The following SLC17A5 variants were observed in gnomAD, a reference collection of about 807,000 sequenced individuals.
SLC17A5 encodes sialin.
In SLC17A5, 47 loss-of-function variants were observed where a neutral mutation model predicts 59.4. The ratio of observed to expected loss-of-function variants is 0.79; its 90% confidence interval spans 0.63 to 1.01. The LOEUF (loss-of-function observed/expected upper bound fraction) is 1.01, where lower values mean the gene tolerates loss of function less well. Ranked by LOEUF, SLC17A5 falls within the 50% of genes least tolerant of loss-of-function variation. SLC17A5 has a pLI of 0.00. For missense variants in SLC17A5, 522 were observed against 595.5 expected, an observed-to-expected ratio of 0.88 and a Z score of 1.28; for synonymous variants, 202 against 210.7, an observed-to-expected ratio of 0.96 and a Z score of 0.36.
At chr6:73,609,018 T>TA (rs1767522673) in intron 9 of SLC17A5, among the ~76,000 whole-genome samples, 1 of 152,064 alleles carries the variant, frequency 6.6e-6, no homozygotes, top group Admixed American at 6.6e-5. Flanking sequence ...CAGCTTATCT[T>TA]AGAGTATTTA....
At chr6:73,610,607 A>AAT in intron 8 of SLC17A5, 60 bp from the exon 9 acceptor site, 1 of 1,579,884 alleles carries the variant, frequency 6.3e-7, no homozygotes. Context: ...GCTCTACCTT[A>AAT]ATATGGTATA....
At chr6:73,600,786 C>T (rs1581953558) in intron 9 of SLC17A5, among the ~76,000 whole-genome samples, 1 of 152,200 alleles carries the variant, frequency 6.6e-6, no homozygotes, top group East Asian at 1.9e-4. Flanking sequence ...CAAGTATGAG[C>T]CACAGCGCCT....
intron 2 of SLC17A5, among the ~76,000 whole-genome samples, chr6:73,643,935 T>A (rs1227209408): frequency 6.6e-6 from 1 of 152,222 alleles, no homozygotes. Context: ...AAATGACTTA[T>A]GTGGCTTAGG....
chr6:73,615,319 A>T lies in SLC17A5; in HGVS notation c.1107T>A (p.Leu369=). Residue 369 remains leucine (L), a synonymous_variant, in exon 8 of 11, where the codon CTT becomes CTA. Coordinates refer to ENST00000355773, the MANE Select transcript of SLC17A5 (RefSeq NM_012434.5). ...AAACCTGATTGCTTCACTTACCTAT[A>T]AGGCTAAAAATTCTGCGAACACATA... ...STLCVRRIFS[L]IGMIGPAVFL... is the part of the protein sequence containing the mutation. The T allele has an allele frequency of 6.2e-7, 1 of 1,614,038 alleles. No individual in the cohort carries two copies. The highest frequency in any genetic ancestry group is 8.5e-7 in the Non-Finnish European group (1 of 1,179,988).
At chr6:73,628,077 A>G (rs1768523075) in intron 6 of SLC17A5, among the ~76,000 whole-genome samples, 1 of 151,726 alleles carries the variant, frequency 6.6e-6, no homozygotes, top group South Asian at 2.1e-4. Flanking sequence ...GTGCCACCAC[A>G]CCGGGTAATT....
chr6:73,630,817 C>T (rs554644300), intron 6 of SLC17A5, among the ~76,000 whole-genome samples: 18 of 152,176 alleles, frequency 1.2e-4, no homozygotes, highest in Non-Finnish European at 1.8e-4. Flanking sequence ...GAGATGAAGG[C>T]GGGCGGATCA....
chr6:73,645,789 C>CAAAAAAAAAAAAAAAAA (rs58205870), intron 1 of SLC17A5, among the ~76,000 whole-genome samples: 1 of 76,068 alleles, frequency 1.3e-5, no homozygotes, highest in East Asian at 4.8e-4. Flanking sequence ...GACTCCGTCT[C>CAAAAAAAAAAAAAAAAA]AAAAAAAAAA....
At chr6:73,652,154 G>A (rs998382802) in intron 1 of SLC17A5, among the ~76,000 whole-genome samples, 4 of 152,056 alleles carry the variant, frequency 2.6e-5, no homozygotes, top group Non-Finnish European at 5.9e-5. Flanking sequence ...TGTAAAGAGG[G>A]AAAATAAAAA....
At chr6:73,638,786 G>A (rs1581985331) in intron 3 of SLC17A5, among the ~76,000 whole-genome samples, 1 of 151,268 alleles carries the variant, frequency 6.6e-6, no homozygotes, top group Non-Finnish European at 1.5e-5. Context: ...CCTGGGTAAC[G>A]TAGTGAGACA....
At chr6:73,635,570 C>A in intron 5 of SLC17A5, 70 bp from the exon 6 acceptor site, 1 of 784,478 alleles carries the variant, frequency 1.3e-6, no homozygotes, top group Non-Finnish European at 2.0e-6. Flanking sequence ...AAAACAAAAA[C>A]ACAAAATTAG....
In SLC17A5 at chr6:73,619,471, T is replaced by G. The variant is rs543989128; in HGVS notation, c.978+2333A>C. 1.9e-3 allele frequency among the ~76,000 whole-genome samples: 287 copies of G among 152,206 alleles called. 2 individuals are homozygous for G. The highest frequency in any genetic ancestry group is 3.6e-3 in the Non-Finnish European group (248 of 68,008). ...GGGAGGCTGAGGCAGGAGGATCATTTGAGCTCAGGAGTATGAAACCAACCT... is the reference window on the plus strand; with the variant it reads ...GGGAGGCTGAGGCAGGAGGATCATTGGAGCTCAGGAGTATGAAACCAACCT... On this transcript the variant is annotated intron_variant, in intron 7 of 10. Transcript: ENST00000355773.
At chr6:73,636,582 AT>A in intron 5 of SLC17A5, 38 bp downstream of exon 5, 2 of 1,146,218 alleles carry the variant, frequency 1.7e-6, no homozygotes, top group Non-Finnish European at 2.6e-6. Context: ...TACATTTTGA[AT>A]TTGTTACATT....
intron 3 of SLC17A5, among the ~76,000 whole-genome samples, chr6:73,639,919 G>A (rs778388983): frequency 6.6e-6 from 1 of 152,166 alleles, no homozygotes; most frequent in African/African-American, 2.4e-5. Context: ...GGTGGCGCAT[G>A]CCTGTAATCC....
chr6:73,601,316 C>T (rs1441842834), intron 9 of SLC17A5, among the ~76,000 whole-genome samples: 1 of 145,070 alleles, frequency 6.9e-6, no homozygotes, highest in Non-Finnish European at 1.5e-5. Context: ...GCAGCCGCCC[C>T]GTCTGAGAAG....
At chr6:73,637,111 T>C (rs973194969) in intron 4 of SLC17A5, among the ~76,000 whole-genome samples, 1 of 147,670 alleles carries the variant, frequency 6.8e-6, no homozygotes, top group African/African-American at 2.5e-5. Flanking sequence ...TGTGGTCCCA[T>C]AGAAACAAGA....
At chr6:73,623,784 C>T (rs1768273840) in intron 6 of SLC17A5, among the ~76,000 whole-genome samples, 1 of 151,442 alleles carries the variant, frequency 6.6e-6, no homozygotes, top group Non-Finnish European at 1.5e-5. Context: ...TGCAACTTCT[C>T]TCTCCCAGGT....
chr6:73,605,269 C>T (rs987693982), intron 9 of SLC17A5, among the ~76,000 whole-genome samples: 3 of 152,128 alleles, frequency 2.0e-5, no homozygotes, highest in Admixed American at 6.6e-5. Flanking sequence ...AAAAACAAAA[C>T]ACAGTAATCA....
intron 7 of SLC17A5, among the ~76,000 whole-genome samples, chr6:73,616,580 C>T (rs1208965813): frequency 1.0e-5 from 1 of 100,082 alleles, no homozygotes; most frequent in East Asian, 2.1e-4. Flanking sequence ...CACACACACA[C>T]GTTTATTTTT....
intron 8 of SLC17A5, among the ~76,000 whole-genome samples, chr6:73,613,127 CCTT>C (rs1767705448): frequency 6.6e-6 from 1 of 151,934 alleles, no homozygotes; most frequent in South Asian, 2.1e-4. Context: ...ATTTATAGCT[CCTT>C]ATTTGATATA....
Sources: allele counts gnomAD v4.1 joint callset (sites outside exome capture counted in the v4.1 genomes callset), GRCh38; gene constraint gnomAD v4.1.1; transcripts MANE v1.5; gene names NCBI Gene and HGNC (gene_info 2026-07-23, HGNC 2026-07-21).